SLC41A3: variants seen among roughly 807,000 people sequenced by gnomAD.
The protein encoded by SLC41A3 is solute carrier family 41 member 3, also known as SLC41A1-like 2.
In SLC41A3, 44 loss-of-function variants were observed where a neutral mutation model predicts 45.4. The ratio of observed to expected loss-of-function variants is 0.97; its 90% CI spans 0.76 to 1.25. SLC41A3 has a LOEUF of 1.25. SLC41A3 is among the 50% of genes most tolerant of loss of function. The pLI is 0.00. For missense variants in SLC41A3, 550 were observed against 600.6 expected (o/e 0.92, Z 0.88); for synonymous variants, 256 against 252.4 (o/e 1.01, Z -0.13).
At chr3:126,038,006 C>T (rs1175431820) in intron 3 of SLC41A3, among the ~76,000 whole-genome samples, 1 of 152,224 alleles carries the variant, frequency 6.6e-6, no homozygotes, top group Non-Finnish European at 1.5e-5. Flanking sequence ...TCAAGTACAG[C>T]TTCGGCTGCT....
intron 2 of SLC41A3, among the ~76,000 whole-genome samples, chr3:126,054,014 A>C (rs1286759119): frequency 6.6e-6 from 1 of 152,102 alleles, no homozygotes; most frequent in Non-Finnish European, 1.5e-5. Flanking sequence ...CTTGCACTTG[A>C]GGGGCTCTGA....
rs567264273 is a variant in SLC41A3 at position 126,026,014 on chromosome 3, G to A, written c.598+321C>T. Among the ~76,000 whole-genome samples, 1 of 152,236 alleles carries A rather than the reference G, an allele frequency of 6.6e-6. No individual in the cohort carries two copies. The highest frequency in any genetic ancestry group is 1.5e-5 in the Non-Finnish European group (1 of 68,046). On this transcript the variant is annotated intron_variant, in intron 5 of 10. Coordinates refer to ENST00000360370, the MANE Select transcript of SLC41A3 (RefSeq NM_017836.4). This position sits in a 1 kb window ranked among gnomAD's most constrained non-coding sequence, Gnocchi z 4.2. The stretch of plus-strand genomic sequence containing the variant: ...GCTGACTGCACAGATGAACAAGCCT[G>A]CTCTGTGCAGGTGTCAGGCCTCAGC...
chr3:126,086,417 T>TG (rs61603293), upstream of SLC41A3, among the ~76,000 whole-genome samples: 11,818 of 100,612 alleles, frequency 0.12, 1,024 homozygotes, highest in Non-Finnish European at 0.16. Context: ...TGTTTTTTTT[T>TG]TTTTTTTTTT....
chr3:126,046,909 T>C (rs532505578), intron 3 of SLC41A3, among the ~76,000 whole-genome samples: 2 of 147,732 alleles, frequency 1.4e-5, no homozygotes, highest in South Asian at 2.1e-4. Context: ...TTGCAGTGAG[T>C]TGAGATGGCA....
At chr3:126,082,689 G>T (rs1279440805) in intron 1 of SLC41A3, among the ~76,000 whole-genome samples, 1 of 152,230 alleles carries the variant, frequency 6.6e-6, no homozygotes, top group African/African-American at 2.4e-5. Context: ...TGTGAGGTTG[G>T]CCTTGGACCC....
intron 1 of SLC41A3, among the ~76,000 whole-genome samples, chr3:126,083,127 A>T (rs546309363): frequency 6.6e-6 from 1 of 152,244 alleles, no homozygotes; most frequent in African/African-American, 2.4e-5. Context: ...CCCATCCTCA[A>T]CCCCAGTTCA....
intron 3 of SLC41A3, among the ~76,000 whole-genome samples, chr3:126,041,493 G>A (rs1239516837): frequency 6.6e-6 from 1 of 152,126 alleles, no homozygotes; most frequent in Non-Finnish European, 1.5e-5. Context: ...AAAGAAATGA[G>A]ACTCAAAAGG....
At chr3:126,074,365 C>T (rs1278147058) in intron 1 of SLC41A3, among the ~76,000 whole-genome samples, 2 of 151,890 alleles carry the variant, frequency 1.3e-5, no homozygotes, top group East Asian at 3.9e-4. Flanking sequence ...AGTTTTCCCA[C>T]TAAGATTAGG....
intron 2 of SLC41A3, among the ~76,000 whole-genome samples, chr3:126,061,169 G>A (rs1195509612): frequency 6.6e-6 from 1 of 152,204 alleles, no homozygotes; most frequent in African/African-American, 2.4e-5. Context: ...GGCAGGTTCT[G>A]GGCCAGATGG....
At chr3:126,052,843 C>A (rs1158637385) in intron 2 of SLC41A3, among the ~76,000 whole-genome samples, 1 of 152,198 alleles carries the variant, frequency 6.6e-6, no homozygotes, top group East Asian at 1.9e-4. Context: ...TCTCCTCACA[C>A]CCTCTCCCTT....
intron 1 of SLC41A3, among the ~76,000 whole-genome samples, chr3:126,077,283 C>T (rs895710224): frequency 2.0e-5 from 3 of 151,888 alleles, no homozygotes; most frequent in South Asian, 2.1e-4. Context: ...AGGAGGCTGA[C>T]GCAGGAGAAT....
intron 1 of SLC41A3, among the ~76,000 whole-genome samples, chr3:126,098,037 T>C (rs1945637416): frequency 6.6e-6 from 1 of 152,236 alleles, no homozygotes; most frequent in Non-Finnish European, 1.5e-5. Context: ...ATGCTGAAAC[T>C]GCAGTTTTCA....
rs4505644 is a variant in SLC41A3 at position 126,006,751 on chromosome 3, G to A, written c.*265C>T. The A allele has an allele frequency of 1.1e-3, 1,573 of 1,444,118 alleles. 15 individuals are homozygous for A. The African/African-American group carries it at 0.019, about 18-fold the overall frequency. The allele number at this position is 1,444,118 out of a possible 1,614,324, so 89.5% of individuals were successfully genotyped here. ...CCAGAACACCCTCCTCTCCACAAAC[G>A]TGTGCACACTTGCACGCTCATTAAG... On this transcript the variant is annotated 3_prime_UTR_variant, in exon 11 of 11. Transcript: ENST00000360370.
rs1939153303 is a variant in SLC41A3 at position 126,006,830 on chromosome 3, C to G, written c.*186G>C. The G allele has an allele frequency of 6.9e-7, 1 of 1,453,088 alleles. No individual in the cohort carries two copies. The highest frequency in any genetic ancestry group is 1.5e-5 in the South Asian group (1 of 68,450). The allele number at this position is 1,453,088 out of a possible 1,614,324, so 90.0% of individuals were successfully genotyped here. A position where few individuals can be genotyped will look rare whatever the true frequency, so the allele number is the denominator to read the frequency against. Reference sequence around the variant, plus strand: ...AAGCCATGCTCTTGATTTCAGGGCTCTATTGCAGGCTCAGGTATCAACCCC... The same window carrying G: ...AAGCCATGCTCTTGATTTCAGGGCTGTATTGCAGGCTCAGGTATCAACCCC... On this transcript the variant is annotated 3_prime_UTR_variant, in exon 11 of 11. Transcript: ENST00000360370.
chr3:126,085,187 AT>A (rs1005652468), upstream of SLC41A3, among the ~76,000 whole-genome samples: 13 of 152,166 alleles, frequency 8.5e-5, no homozygotes, highest in Admixed American at 4.6e-4. Context: ...GATCAAACAA[AT>A]TTATTTCTTA....
At chr3:126,015,293 G>A (rs1007138860) in intron 8 of SLC41A3, among the ~76,000 whole-genome samples, 8 of 152,212 alleles carry the variant, frequency 5.3e-5, no homozygotes, top group Non-Finnish European at 1.0e-4. Context: ...CGAACAGTGT[G>A]TGGGGCTTCC....
At chr3:126,058,881 C>T (rs1943838123) in intron 2 of SLC41A3, among the ~76,000 whole-genome samples, 2 of 152,194 alleles carry the variant, frequency 1.3e-5, no homozygotes. Context: ...CAGGCCAACA[C>T]ATCACCCAGG....
chr3:126,088,126 A>G (rs1044454461), upstream of SLC41A3, among the ~76,000 whole-genome samples: 1 of 152,138 alleles, frequency 6.6e-6, no homozygotes, highest in African/African-American at 2.4e-5. Context: ...TAACAAAATT[A>G]TCTGAAGGGA....
intron 3 of SLC41A3, 109 bp from the exon 4 acceptor site, chr3:126,033,787 A>T: frequency 8.5e-7 from 1 of 1,178,012 alleles, no homozygotes; most frequent in Non-Finnish European, 1.2e-6. Context: ...ATACCATTTC[A>T]TCAGCGTCAG....
Sources: allele counts gnomAD v4.1 joint callset (sites outside exome capture counted in the v4.1 genomes callset), GRCh38; gene constraint gnomAD v4.1.1; non-coding constraint Gnocchi (gnomAD v3.1); transcripts MANE v1.5; gene names NCBI Gene and HGNC (gene_info 2026-07-23, HGNC 2026-07-21).